Variants in NEMP1 observed in about 807,000 individuals in gnomAD.
NEMP1 encodes transmembrane protein 194.
NEMP1 carries 29 observed loss-of-function variants against 53.7 expected under a neutral mutation model. The ratio of observed to expected loss-of-function variants is 0.54; its 90% CI spans 0.40 to 0.74. The LOEUF (loss-of-function observed/expected upper bound fraction) is 0.74, where lower values mean the gene tolerates loss of function less well. Among genes scored for constraint, NEMP1 ranks in the 30% least tolerant of loss-of-function variants. The pLI, the probability that NEMP1 is intolerant of heterozygous loss-of-function variation, is 0.00. For synonymous variants in NEMP1, 193 were observed against 192.9 expected, an observed-to-expected ratio of 1.00 and a Z score of 0.00; for missense variants, 477 against 528.6, an observed-to-expected ratio of 0.90 and a Z score of 0.96.
In NEMP1 at chr12:57,070,894, C is replaced by T. The variant is rs1462234059; in HGVS notation, c.253-1G>A. On this transcript the variant is annotated splice_acceptor_variant, in intron 2 of 8. Transcript: ENST00000300128. LOFTEE classifies it high-confidence loss of function. Reference sequence around the variant, plus strand: ...CCAATCTGGAACTATTTACTCGGATCTGTAACACAAATAAAATCAGGATGA... The same window carrying T: ...CCAATCTGGAACTATTTACTCGGATTTGTAACACAAATAAAATCAGGATGA... 3.1e-6 allele frequency: 5 copies of T among 1,596,260 alleles called. No individual in the cohort carries two copies. The South Asian group carries it at 3.4e-5, about 11-fold the overall frequency.
chr12:57,075,442 C>T (rs2032561667), intron 1 of NEMP1, among the ~76,000 whole-genome samples: 1 of 148,766 alleles, frequency 6.7e-6, no homozygotes, highest in South Asian at 2.1e-4. Flanking sequence ...TAGTTGGGAG[C>T]CAAGATCACA....
chr12:57,081,157 A>G (rs1015913713), upstream of NEMP1, among the ~76,000 whole-genome samples: 1 of 152,234 alleles, frequency 6.6e-6, no homozygotes, highest in Non-Finnish European at 1.5e-5. Context: ...GAAAAACATT[A>G]GACAAATTCC....
chr12:57,057,299 C>G lies in NEMP1; in HGVS notation c.*2580G>C, dbSNP rs2031572718. The G allele has an allele frequency of 6.6e-6, 1 of 152,210 alleles. No homozygotes were observed. Among genetic ancestry groups the G allele is most frequent in the Non-Finnish European group, 1.5e-5 (1 of 68,048 alleles). The allele number at this position is 152,210 out of a possible 1,614,324, so 9.4% of individuals were successfully genotyped here. ...AACACGGCTCCAATGTCCAGCTTAC[C>G]TCATAGTTATCCCTTCAATCCTTCT... On this transcript the variant is annotated 3_prime_UTR_variant, in exon 9 of 9. Coordinates refer to ENST00000300128, the MANE Select transcript of NEMP1 (RefSeq NM_001130963.2).
chr12:57,072,060 G>A (rs571089437), intron 2 of NEMP1, among the ~76,000 whole-genome samples: 1 of 152,178 alleles, frequency 6.6e-6, no homozygotes, highest in Admixed American at 6.5e-5. Context: ...TATAGAATCA[G>A]AATAGGAACA....
rs763255588 is a variant in NEMP1, at chr12:57,059,698, T to C, written c.*181A>G. On this transcript the variant is annotated 3_prime_UTR_variant, in exon 9 of 9. Transcript: ENST00000300128. The stretch of plus-strand genomic sequence containing the variant: ...TCACTACTTTATCCACTCTCCTTCC[T>C]CAGGGATCCCATAGAGACCTCCCAT... 28 of 556,758 alleles carry C rather than the reference T, an allele frequency of 5.0e-5. No homozygotes were observed. Among genetic ancestry groups the C allele is most frequent in the Non-Finnish European group, 8.6e-5 (27 of 315,532 alleles). 34.5% of individuals were successfully genotyped at this position (556,758 alleles called of 1,614,324 possible).
At chr12:57,077,161 T>C (rs973875372) in intron 1 of NEMP1, among the ~76,000 whole-genome samples, 12 of 151,190 alleles carry the variant, frequency 7.9e-5, no homozygotes, top group Admixed American at 6.6e-5. Flanking sequence ...TGAAACCCCC[T>C]CTCTACTAAA....
intron 7 of NEMP1, 107 bp from the exon 8 acceptor site, chr12:57,061,052 T>G (rs1046173304): frequency 8.7e-7 from 1 of 1,145,910 alleles, no homozygotes; most frequent in Non-Finnish European, 1.2e-6. Context: ...GCCTGAACAT[T>G]AAGAGTCATC....
chr12:57,077,115 G>A (rs1168669916), intron 1 of NEMP1, among the ~76,000 whole-genome samples: 3 of 152,020 alleles, frequency 2.0e-5, no homozygotes, highest in Non-Finnish European at 4.4e-5. Context: ...GGCGGATCAC[G>A]AGGTCAGGAG....
At chr12:57,072,960 C>A in intron 1 of NEMP1, 48 bp from the exon 2 acceptor site, 1 of 1,506,130 alleles carries the variant, frequency 6.6e-7, no homozygotes. Context: ...AAGCTAATAA[C>A]TATAACTCAT....
chr12:57,066,186 C>T (rs1444833615), intron 4 of NEMP1, among the ~76,000 whole-genome samples: 3 of 152,076 alleles, frequency 2.0e-5, no homozygotes, highest in South Asian at 2.1e-4. Context: ...ACCTGGGAGG[C>T]GGAGCTTGCA....
Position 57,058,798 on chromosome 12 carries a change from T to C in NEMP1, c.*1081A>G, listed in dbSNP as rs930406221. On this transcript the variant is annotated 3_prime_UTR_variant, in exon 9 of 9. Transcript: ENST00000300128. Reference sequence around the variant, plus strand: ...AAAATTACCCAGATTTGGGGGAGTATGGGTGGTGAGAAAAGGCTGAAAGGA... The same window carrying C: ...AAAATTACCCAGATTTGGGGGAGTACGGGTGGTGAGAAAAGGCTGAAAGGA... 3.3e-5 allele frequency: 5 copies of C among 151,960 alleles called. No homozygotes were observed. Among genetic ancestry groups the C allele is most frequent in the African/African-American group, 7.3e-5 (3 of 41,316 alleles). The allele number at this position is 151,960 out of a possible 1,614,324, so 9.4% of individuals were successfully genotyped here. A position where few individuals can be genotyped will look rare whatever the true frequency, so the allele number is the denominator to read the frequency against.
chr12:57,075,593 G>C (rs973736116), intron 1 of NEMP1, among the ~76,000 whole-genome samples: 6 of 151,244 alleles, frequency 4.0e-5, no homozygotes, highest in African/African-American at 1.5e-4. Context: ...GGAAGCCAAG[G>C]TGAGGGGATT....
At position 57,078,510 on chromosome 12, in the gene NEMP1, G is replaced by C. The variant is rs997032131; in HGVS notation, c.127+109C>G. 9.9e-6 allele frequency: 14 copies of C among 1,421,270 alleles called. No homozygotes were observed. In the African/African-American group the frequency reaches 2.0e-4, roughly 20 times the overall value. 88.0% of individuals were successfully genotyped at this position (1,421,270 alleles called of 1,614,324 possible). Reference sequence around the variant, plus strand: ...CACACTACGCCGGCGGCCCTCGGTAGAGCCACCGCCCTTCTGCAGAGTAAC... The same window carrying C: ...CACACTACGCCGGCGGCCCTCGGTACAGCCACCGCCCTTCTGCAGAGTAAC... On this transcript the variant is annotated intron_variant, in intron 1 of 8. Coordinates refer to ENST00000300128, the MANE Select transcript of NEMP1 (RefSeq NM_001130963.2).
chr12:57,060,988 C>A, intron 7 of NEMP1, 43 bp from the exon 8 acceptor site: 2 of 1,591,252 alleles, frequency 1.3e-6, no homozygotes, highest in Non-Finnish European at 8.6e-7. Flanking sequence ...AATCAGTAAT[C>A]TATATCCATC....
chr12:57,059,753 A>C lies in NEMP1; in HGVS notation c.*126T>G. On this transcript the variant is annotated 3_prime_UTR_variant, in exon 9 of 9. Coordinates refer to ENST00000300128, the MANE Select transcript of NEMP1 (RefSeq NM_001130963.2). ...AAAGGGAGGCCTTTTTAGGCCTCTT[A>C]TTTCAGTAGGAGAATTTCTACCCTA... The C allele has an allele frequency of 1.2e-6, 1 of 857,156 alleles. No homozygotes were observed. Among genetic ancestry groups the C allele is most frequent in the Non-Finnish European group, 1.7e-6 (1 of 575,226 alleles). 53.1% of individuals were successfully genotyped at this position (857,156 alleles called of 1,614,324 possible). A position where few individuals can be genotyped will look rare whatever the true frequency, so the allele number is the denominator to read the frequency against.
At chr12:57,079,730 G>T (rs902101190), upstream of NEMP1, among the ~76,000 whole-genome samples, 1 of 152,114 alleles carries the variant, frequency 6.6e-6, no homozygotes, top group Admixed American at 6.6e-5. Flanking sequence ...AAGGAAGGGG[G>T]CATCTCCTGG....
intron 1 of NEMP1, among the ~76,000 whole-genome samples, chr12:57,085,170 ATTTTTGTTTTTG>A (rs546689540): frequency 1.3e-5 from 2 of 151,918 alleles, no homozygotes; most frequent in African/African-American, 2.4e-5. Flanking sequence ...TCCTCCTAGA[ATTTTTGTTTTTG>A]TTTTTGTTTT....
intron 5 of NEMP1, 41 bp from the exon 6 acceptor site, chr12:57,064,226 G>A: frequency 1.5e-6 from 2 of 1,310,928 alleles, no homozygotes; most frequent in Non-Finnish European, 1.1e-6. Flanking sequence ...AGTTACAACA[G>A]GCTTTCCATA....
At chr12:57,062,885 G>A (rs1384375723) in intron 7 of NEMP1, among the ~76,000 whole-genome samples, 1 of 151,048 alleles carries the variant, frequency 6.6e-6, no homozygotes, top group African/African-American at 2.4e-5. Flanking sequence ...GTGGTAACAG[G>A]AACACATGAC....
Sources: allele counts gnomAD v4.1 joint callset (sites outside exome capture counted in the v4.1 genomes callset), GRCh38; gene constraint gnomAD v4.1.1; transcripts MANE v1.5; gene names NCBI Gene and HGNC (gene_info 2026-07-23, HGNC 2026-07-21).